THSD7B: variants seen among roughly 807,000 people sequenced by gnomAD.
THSD7B encodes the protein thrombospondin type 1 domain containing 7B.
THSD7B carries 138 observed loss-of-function variants against 213.6 expected under a neutral mutation model. The ratio of observed to expected loss-of-function variants is 0.65; its 90% CI spans 0.56 to 0.74. The LOEUF (loss-of-function observed/expected upper bound fraction) is 0.74. THSD7B is among the 30% of genes least tolerant of loss of function. The probability of loss-of-function intolerance (pLI) is 0.00; values close to 1 mark genes in which losing one functional copy is unlikely to be tolerated. For synonymous variants in THSD7B, 742 were observed against 687.0 expected (o/e 1.08, Z -1.25); for missense variants, 1,931 against 1,991.5 (o/e 0.97, Z 0.58).
chr2:137,513,270 G>A (rs185753833), intron 15 of THSD7B, among the ~76,000 whole-genome samples: 30 of 152,242 alleles, frequency 2.0e-4, no homozygotes, highest in East Asian at 5.8e-4. Flanking sequence ...GAGAATTTGG[G>A]GACAATAGGA....
At chr2:137,615,838 A>T (rs866841553) in intron 17 of THSD7B, among the ~76,000 whole-genome samples, 9 of 152,054 alleles carry the variant, frequency 5.9e-5, no homozygotes, top group South Asian at 2.1e-4. Context: ...AAAAGCATTT[A>T]AACATTCAAA....
At chr2:137,051,644 C>T (rs1687072928) in intron 2 of THSD7B, among the ~76,000 whole-genome samples, 1 of 152,148 alleles carries the variant, frequency 6.6e-6, no homozygotes, top group South Asian at 2.1e-4. Flanking sequence ...CATGTCATCT[C>T]CCCATACCCC....
rs182899802 is a variant in THSD7B, at chr2:137,551,468, G to A, written c.3139-11753G>A. On this transcript the variant is annotated intron_variant, in intron 15 of 27. Coordinates refer to ENST00000409968, the MANE Select transcript of THSD7B (RefSeq NM_001316349.2). ...TGTTATTCATTGAGACTACAGACAA[G>A]GTTTAGGATGTGAAATGTTCATGGG... Among the ~76,000 whole-genome samples, 188 of 152,150 alleles carry A rather than the reference G, an allele frequency of 1.2e-3. 1 individual carries two copies. The highest frequency in any genetic ancestry group is 3.4e-3 in the Admixed American group (52 of 15,262).
At chr2:137,600,445 A>AGTT (rs535670973) in intron 17 of THSD7B, among the ~76,000 whole-genome samples, 2 of 152,280 alleles carry the variant, frequency 1.3e-5, no homozygotes, top group Non-Finnish European at 2.9e-5. Flanking sequence ...TATTTTTAAA[A>AGTT]GTTAACTACA....
At chr2:137,271,445 T>TA in intron 10 of THSD7B, among the ~76,000 whole-genome samples, 1 of 131,392 alleles carries the variant, frequency 7.6e-6, no homozygotes, top group East Asian at 2.3e-4. Context: ...TATAATATAA[T>TA]ATATAATATA....
chr2:137,023,738 G>C (rs573826214), intron 2 of THSD7B, among the ~76,000 whole-genome samples: 2 of 152,128 alleles, frequency 1.3e-5, no homozygotes, highest in Non-Finnish European at 2.9e-5. Flanking sequence ...TCAGTAAATC[G>C]TCAGGAGCAT....
At chr2:137,552,503 C>A (rs750034676) in intron 15 of THSD7B, among the ~76,000 whole-genome samples, 12 of 152,056 alleles carry the variant, frequency 7.9e-5, no homozygotes, top group Non-Finnish European at 1.3e-4. Context: ...TCATACCAAC[C>A]TTGTCTAACT....
chr2:137,401,829 AAAAC>A (rs769301287), intron 12 of THSD7B, among the ~76,000 whole-genome samples: 3 of 152,314 alleles, frequency 2.0e-5, no homozygotes. Flanking sequence ...TTTATAAAGA[AAAAC>A]AAACTGATTT....
At chr2:137,174,284 A>T (rs921571019) in intron 7 of THSD7B, among the ~76,000 whole-genome samples, 2 of 152,218 alleles carry the variant, frequency 1.3e-5, no homozygotes. Flanking sequence ...AGATTTCTAC[A>T]TAAGCTTGAC....
intron 12 of THSD7B, among the ~76,000 whole-genome samples, chr2:137,361,732 G>A (rs917135109): frequency 2.0e-5 from 3 of 152,172 alleles, no homozygotes; most frequent in South Asian, 2.1e-4. Flanking sequence ...ATGAGACTAC[G>A]TGAAAAGACC....
At chr2:136,946,357 C>T (rs1268325986) in intron 2 of THSD7B, among the ~76,000 whole-genome samples, 2 of 152,088 alleles carry the variant, frequency 1.3e-5, no homozygotes, top group African/African-American at 4.8e-5. Context: ...CTGGAAGGTT[C>T]ATCCCAGAGG....
intron 1 of THSD7B, among the ~76,000 whole-genome samples, chr2:136,811,976 A>G (rs1237824631): frequency 3.3e-5 from 5 of 152,206 alleles, no homozygotes; most frequent in Non-Finnish European, 5.9e-5. Flanking sequence ...AAATTCCTCT[A>G]AGACTATGCT....
chr2:137,494,127 A>G (rs1158514683), intron 15 of THSD7B, among the ~76,000 whole-genome samples: 1 of 152,218 alleles, frequency 6.6e-6, no homozygotes, highest in Non-Finnish European at 1.5e-5. Flanking sequence ...TGGTTAACAG[A>G]AAGTTACTAA....
intron 2 of THSD7B, among the ~76,000 whole-genome samples, chr2:136,913,705 A>T (rs1442039456): frequency 6.6e-6 from 1 of 152,232 alleles, no homozygotes; most frequent in Non-Finnish European, 1.5e-5. Flanking sequence ...GGCAACTTCC[A>T]TGTGGTATCA....
At chr2:136,837,497 T>C (rs1347334244) in intron 1 of THSD7B, among the ~76,000 whole-genome samples, 1 of 152,238 alleles carries the variant, frequency 6.6e-6, no homozygotes, top group Non-Finnish European at 1.5e-5. Context: ...CTTCCTCATG[T>C]CATTCAGAGT....
intron 2 of THSD7B, among the ~76,000 whole-genome samples, chr2:136,920,194 G>A (rs1193431992): frequency 1.3e-5 from 2 of 152,352 alleles, no homozygotes; most frequent in East Asian, 3.9e-4. Flanking sequence ...AGAATGAGGT[G>A]TGTGGACAAC....
chr2:137,537,776 C>A (rs933377894), intron 15 of THSD7B, among the ~76,000 whole-genome samples: 2 of 151,692 alleles, frequency 1.3e-5, no homozygotes, highest in African/African-American at 4.8e-5. Context: ...AGACTACATT[C>A]ATTTATTCAT....
rs1482528973 is a variant in THSD7B, at chr2:137,411,805, C to T, written c.2892C>T (p.Arg964=). The T allele has an allele frequency of 4.3e-6, 7 of 1,613,870 alleles. No homozygotes were observed. In the African/African-American group the frequency reaches 9.3e-5, roughly 22 times the overall value. The stretch of plus-strand genomic sequence containing the variant: ...GCAAAGAATGTGGAGAAGGCCTGCG[C>T]TTTCGAGCAGTAGCCTGTTCTGATA... ...ADSKECGEGL[R]FRAVACSDKN... The change falls in exon 14 of 28, where the codon CGC becomes CGT. Residue 964 remains arginine, a synonymous_variant. Transcript: ENST00000409968.
At chr2:137,281,324 T>A (rs1256707873) in intron 12 of THSD7B, among the ~76,000 whole-genome samples, 1 of 152,094 alleles carries the variant, frequency 6.6e-6, no homozygotes, top group East Asian at 1.9e-4. Flanking sequence ...TAATTCACTT[T>A]CAAAATTAGT....
Sources: allele counts gnomAD v4.1 joint callset (sites outside exome capture counted in the v4.1 genomes callset), GRCh38; gene constraint gnomAD v4.1.1; transcripts MANE v1.5; gene names NCBI Gene and HGNC (gene_info 2026-07-23, HGNC 2026-07-21).